SLC24A3: variants seen among roughly 807,000 people sequenced by gnomAD.
SLC24A3 encodes the protein solute carrier family 24 member 3, also known as sodium/potassium/calcium exchanger 3.
In SLC24A3, 28 loss-of-function variants were observed where a neutral mutation model predicts 75.8. The ratio of observed to expected loss-of-function variants is 0.37; its 90% CI spans 0.27 to 0.51. The LOEUF is 0.51. Among genes scored for constraint, SLC24A3 ranks in the 20% least tolerant of loss-of-function variants. The pLI is 0.94. For synonymous variants in SLC24A3, 372 were observed against 334.1 expected (o/e 1.11, Z -1.24); for missense variants, 663 against 847.8 (o/e 0.78, Z 2.71).
At position 19,685,183 on chromosome 20, in the gene SLC24A3, G is replaced by T; in HGVS notation, c.1146G>T (p.Glu382Asp). 1 of 1,614,216 alleles carries T rather than the reference G, an allele frequency of 6.2e-7. No homozygotes were observed. Among genetic ancestry groups the T allele is most frequent in the South Asian group, 1.1e-5 (1 of 91,088 alleles). The change falls in exon 12 of 17, where the codon GAG becomes GAT. Residue 382 changes from glutamate (E) to aspartate (D), a missense_variant. By Grantham distance (45) the Glu-to-Asp change is conservative. Coordinates refer to ENST00000328041, the MANE Select transcript of SLC24A3 (RefSeq NM_020689.4). The stretch of plus-strand genomic sequence containing the variant: ...AAATCCCAATTAAGCACACCGTGGA[G>T]AATGGGACAGGGCCCAGCAGTGCCC... ...AIKIPIKHTV[E>D]NGTGPSSAPD...
chr20:19,332,992 A>G (rs4405817), intron 2 of SLC24A3, among the ~76,000 whole-genome samples: 79,881 of 152,014 alleles, frequency 0.53, 23,162 homozygotes, highest in African/African-American at 0.77. Context: ...TTAGCAGGCT[A>G]AAGGGGCTGT....
At chr20:19,692,954 C>T (rs2032761209) in intron 12 of SLC24A3, among the ~76,000 whole-genome samples, 1 of 152,046 alleles carries the variant, frequency 6.6e-6, no homozygotes, top group Non-Finnish European at 1.5e-5. Context: ...CTCTCTTTTC[C>T]CACCTGGCCA....
intron 1 of SLC24A3, among the ~76,000 whole-genome samples, chr20:19,228,686 T>C (rs1177503987): frequency 6.6e-6 from 1 of 151,822 alleles, no homozygotes; most frequent in Non-Finnish European, 1.5e-5. Flanking sequence ...TGTGATCAAA[T>C]GCCTTATTAA....
In SLC24A3 at chr20:19,685,156, C is replaced by G. The variant is rs1266085479; in HGVS notation, c.1119C>G (p.Ile373Met). 2 of 1,613,750 alleles carry G rather than the reference C, an allele frequency of 1.2e-6. No individual in the cohort carries two copies. The highest frequency in any genetic ancestry group is 1.1e-5 in the South Asian group (1 of 91,080). ...CCAACGGGGAATCTGAGGTGGCCAT[C>G]AAAATCCCAATTAAGCACACCGTGG... is the stretch of plus-strand genomic sequence containing the variant. ...AYTNGESEVAIKIPIKHTVEN... is the reference protein window; with the variant it reads ...AYTNGESEVAMKIPIKHTVEN... The change falls in exon 12 of 17, where the codon ATC becomes ATG. Residue 373 changes from isoleucine to methionine, a missense_variant. Physicochemically the swap from Ile to Met is conservative, Grantham distance 10. Coordinates refer to ENST00000328041, the MANE Select transcript of SLC24A3 (RefSeq NM_020689.4).
At chr20:19,232,748 T>C (rs1272002619) in intron 1 of SLC24A3, among the ~76,000 whole-genome samples, 2 of 152,250 alleles carry the variant, frequency 1.3e-5, no homozygotes, top group Admixed American at 1.3e-4. Context: ...TGCATGCTTT[T>C]ATAATTTTTG....
intron 9 of SLC24A3, among the ~76,000 whole-genome samples, chr20:19,675,295 A>C (rs1382721815): frequency 6.6e-6 from 1 of 152,208 alleles, no homozygotes; most frequent in African/African-American, 2.4e-5. Context: ...TGCCTTCTCT[A>C]GGGGCAAGAA....
At chr20:19,382,768 C>T (rs2122375127) in intron 2 of SLC24A3, among the ~76,000 whole-genome samples, 1 of 152,242 alleles carries the variant, frequency 6.6e-6, no homozygotes, top group East Asian at 1.9e-4. Flanking sequence ...TGTAAACAAA[C>T]ATGGCATATT....
chr20:19,477,137 A>G (rs545798333), intron 2 of SLC24A3, among the ~76,000 whole-genome samples: 73 of 152,174 alleles, frequency 4.8e-4, no homozygotes, highest in African/African-American at 1.6e-3. Context: ...AGACTGGGAA[A>G]GGAAGTACTC....
intron 2 of SLC24A3, among the ~76,000 whole-genome samples, chr20:19,508,379 C>G (rs981420778): frequency 2.6e-5 from 4 of 152,104 alleles, no homozygotes; most frequent in Admixed American, 6.5e-5. Flanking sequence ...AGCCCATGTT[C>G]CTTTTGCTCA....
intron 10 of SLC24A3, among the ~76,000 whole-genome samples, chr20:19,683,939 G>A (rs1352049179): frequency 1.3e-5 from 2 of 152,170 alleles, no homozygotes; most frequent in Non-Finnish European, 2.9e-5. Context: ...AAGGAAAGAA[G>A]AGTGGATGGA....
chr20:19,463,356 A>C (rs2122497477), intron 2 of SLC24A3, among the ~76,000 whole-genome samples: 1 of 152,332 alleles, frequency 6.6e-6, no homozygotes, highest in East Asian at 1.9e-4. Flanking sequence ...GGTGCCCACC[A>C]GTCTCTCGAT....
At chr20:19,595,783 T>C (rs1181200516) in intron 6 of SLC24A3, among the ~76,000 whole-genome samples, 1 of 152,094 alleles carries the variant, frequency 6.6e-6, no homozygotes, top group Non-Finnish European at 1.5e-5. Flanking sequence ...TGGAAATGCA[T>C]TGGGCAATGG....
At chr20:19,224,226 T>C (rs1981815061) in intron 1 of SLC24A3, among the ~76,000 whole-genome samples, 1 of 152,136 alleles carries the variant, frequency 6.6e-6, no homozygotes, top group Non-Finnish European at 1.5e-5. Context: ...ACTGTACAGA[T>C]CCAACACCAC....
At chr20:19,477,782 C>A (rs117443936) in intron 2 of SLC24A3, among the ~76,000 whole-genome samples, 1 of 152,136 alleles carries the variant, frequency 6.6e-6, no homozygotes, top group African/African-American at 2.4e-5. Flanking sequence ...CAGTCTTACA[C>A]GTGAATATAG....
chr20:19,281,203 T>C lies in SLC24A3; in HGVS notation c.271+116T>C, dbSNP rs1440920581. The stretch of plus-strand genomic sequence containing the variant: ...TTAATCCAGAAAGCCTCCAAAGATG[T>C]TTAGGATGGGAGTCTAAGAAACTTT... On this transcript the variant is annotated intron_variant, in intron 2 of 16. Transcript: ENST00000328041. 6.9e-6 allele frequency: 10 copies of C among 1,452,474 alleles called. No homozygotes were observed. The South Asian group carries it at 1.2e-4, about 17-fold the overall frequency. The allele number at this position is 1,452,474 out of a possible 1,614,324, so 90.0% of individuals were successfully genotyped here. A position where few individuals can be genotyped will look rare whatever the true frequency, so the allele number is the denominator to read the frequency against.
At chr20:19,510,900 C>T (rs1057243047) in intron 2 of SLC24A3, among the ~76,000 whole-genome samples, 3 of 152,246 alleles carry the variant, frequency 2.0e-5, no homozygotes, top group Non-Finnish European at 4.4e-5. Context: ...CGGATGGTTT[C>T]TTGATATATC....
intron 3 of SLC24A3, among the ~76,000 whole-genome samples, chr20:19,523,053 A>G (rs1306998432): frequency 2.0e-5 from 3 of 152,232 alleles, no homozygotes; most frequent in Non-Finnish European, 4.4e-5. Context: ...AAATCCTGCC[A>G]AAAGACCGTT....
chr20:19,213,131 C>G (rs1173313433), intron 1 of SLC24A3, 147 bp downstream of exon 1: 2 of 879,276 alleles, frequency 2.3e-6, no homozygotes, highest in East Asian at 3.9e-5. Flanking sequence ...ATGCCAGGCA[C>G]GAGGACTCCC....
chr20:19,246,874 G>C (rs4140453), intron 1 of SLC24A3, among the ~76,000 whole-genome samples: 14,492 of 151,968 alleles, frequency 0.095, 1,201 homozygotes, highest in African/African-American at 0.23. Context: ...GGCTAGTAGG[G>C]AGTAAAGAGT....
Sources: allele counts gnomAD v4.1 joint callset (sites outside exome capture counted in the v4.1 genomes callset), GRCh38; gene constraint gnomAD v4.1.1; transcripts MANE v1.5; gene names NCBI Gene and HGNC (gene_info 2026-07-23, HGNC 2026-07-21).